The following SLC4A4 variants were observed in gnomAD, a reference collection of about 807,000 sequenced individuals.
SLC4A4 encodes the protein solute carrier family 4 member 4.
SLC4A4 carries 27 observed loss-of-function variants against 111.5 expected under a neutral mutation model. The observed-to-expected ratio is 0.24, with a 90% CI of 0.18 to 0.33. SLC4A4 has a LOEUF of 0.33. SLC4A4 is among the 10% of genes least tolerant of loss of function. The pLI, the probability that SLC4A4 is intolerant of heterozygous loss-of-function variation, is 1.00. For missense variants in SLC4A4, 909 were observed against 1,315.5 expected (o/e 0.69, Z 4.78); for synonymous variants, 443 against 463.4 (o/e 0.96, Z 0.57).
chr4:71,237,781 G>A (rs1488740423), intron 2 of SLC4A4, among the ~76,000 whole-genome samples: 9 of 152,086 alleles, frequency 5.9e-5, no homozygotes, highest in African/African-American at 9.7e-5. Context: ...GAGGATTGGC[G>A]CCTCCACCCG....
chr4:71,453,636 A>C lies in SLC4A4; in HGVS notation c.1464A>C (p.Gly488=). ...CTGTAACTAATGCTATCACTTTTGG[A>C]GGACTGCTTGGGGATGCCACTGACA... ...LATVTNAITF[G]GLLGDATDNM... is the part of the protein sequence containing the mutation. The change falls in exon 12 of 26, where the codon GGA becomes GGC. Residue 488 remains glycine, a synonymous_variant. Transcript: ENST00000264485. 5.6e-6 allele frequency: 9 copies of C among 1,613,916 alleles called. No individual in the cohort carries two copies. The highest frequency in any genetic ancestry group is 7.6e-6 in the Non-Finnish European group (9 of 1,179,884).
At chr4:71,367,392 G>A (rs1712982050) in intron 6 of SLC4A4, among the ~76,000 whole-genome samples, 1 of 152,186 alleles carries the variant, frequency 6.6e-6, no homozygotes. Context: ...ATCAGCTTCT[G>A]TCAGTTCTCA....
chr4:71,384,642 CAAAAAAAAAA>C (rs773419796), intron 6 of SLC4A4, among the ~76,000 whole-genome samples: 1,963 of 61,456 alleles, frequency 0.032, 48 homozygotes, highest in African/African-American at 0.092. Context: ...TCCCTCCCAC[CAAAAAAAAAA>C]AAAAAAAAAA....
intron 7 of SLC4A4, among the ~76,000 whole-genome samples, chr4:71,418,951 G>T (rs9685341): frequency 0.011 from 1,720 of 152,288 alleles, 31 homozygotes; most frequent in African/African-American, 0.039. Context: ...GTTTGCTAGA[G>T]GTCCACTCCA....
chr4:71,083,788 G>A (rs945092910), intron 1 of SLC4A4, among the ~76,000 whole-genome samples: 9 of 115,946 alleles, frequency 7.8e-5, no homozygotes, highest in South Asian at 2.7e-4. Context: ...CCCGCCCCCC[G>A]CCCCCACCAG....
At chr4:71,520,323 A>C (rs1163754673) in intron 16 of SLC4A4, among the ~76,000 whole-genome samples, 1 of 148,528 alleles carries the variant, frequency 6.7e-6, no homozygotes, top group Admixed American at 6.6e-5. Flanking sequence ...TTAAGACTTT[A>C]AACTACTTTA....
chr4:71,443,905 A>G (rs1724994862), intron 8 of SLC4A4, among the ~76,000 whole-genome samples: 2 of 152,216 alleles, frequency 1.3e-5, no homozygotes, highest in African/African-American at 2.4e-5. Context: ...TGTCACATCC[A>G]CCAGTTTAAT....
chr4:71,559,672 C>T (rs748712852), intron 22 of SLC4A4, among the ~76,000 whole-genome samples: 62 of 151,682 alleles, frequency 4.1e-4, no homozygotes, highest in Non-Finnish European at 8.1e-4. Context: ...TTATATGTGT[C>T]GTACAGATTT....
chr4:71,151,437 A>G (rs1744309371), intron 2 of SLC4A4, among the ~76,000 whole-genome samples: 1 of 152,058 alleles, frequency 6.6e-6, no homozygotes, highest in Admixed American at 6.6e-5. Context: ...TCTCTGATGA[A>G]GTCTTCATTT....
intron 3 of SLC4A4, among the ~76,000 whole-genome samples, chr4:71,294,958 A>T (rs1370091982): frequency 6.6e-6 from 1 of 152,254 alleles, no homozygotes; most frequent in Non-Finnish European, 1.5e-5. Context: ...AATGATTTAC[A>T]ACTCATTGCT....
intron 25 of SLC4A4, 25 bp downstream of exon 25, chr4:71,567,108 G>T: frequency 6.4e-7 from 1 of 1,569,102 alleles, no homozygotes; most frequent in Non-Finnish European, 8.7e-7. Flanking sequence ...AGTATTTTAT[G>T]TTTTTCTGTG....
chr4:71,499,511 A>G (rs1730711948), intron 16 of SLC4A4, among the ~76,000 whole-genome samples: 1 of 152,174 alleles, frequency 6.6e-6, no homozygotes. Flanking sequence ...AGCTATAGTC[A>G]TCATGCTGTG....
At chr4:71,326,916 G>A (rs1194528518) in intron 3 of SLC4A4, among the ~76,000 whole-genome samples, 1 of 152,036 alleles carries the variant, frequency 6.6e-6, no homozygotes, top group Non-Finnish European at 1.5e-5. Flanking sequence ...TGATAACTAT[G>A]TAAACCAGTT....
intron 3 of SLC4A4, chr4:71,300,810 C>T (rs561822122): frequency 9.9e-6 from 4 of 405,414 alleles, no homozygotes; most frequent in Admixed American, 2.6e-5. Context: ...GCAGTGCAAA[C>T]CCCTGAGGTG....
intron 2 of SLC4A4, among the ~76,000 whole-genome samples, chr4:71,142,606 A>G (rs954418823): frequency 6.6e-6 from 1 of 152,098 alleles, no homozygotes; most frequent in African/African-American, 2.4e-5. Context: ...GACATAGCCG[A>G]GGCTACCTCC....
chr4:71,106,952 A>G (rs1053984497), intron 2 of SLC4A4, among the ~76,000 whole-genome samples: 2 of 151,152 alleles, frequency 1.3e-5, no homozygotes, highest in African/African-American at 2.4e-5. Flanking sequence ...AAATAATAAG[A>G]AAAAAAAGTC....
chr4:71,190,419 CACACACACACAG>C (rs1172909831), intron 1 of SLC4A4, among the ~76,000 whole-genome samples: 7 of 146,652 alleles, frequency 4.8e-5, no homozygotes, highest in East Asian at 1.9e-4. Flanking sequence ...CACACACACA[CACACACACACAG>C]ACACAACTCA....
At chr4:71,171,362 A>G (rs1744935722) in intron 2 of SLC4A4, among the ~76,000 whole-genome samples, 1 of 152,144 alleles carries the variant, frequency 6.6e-6, no homozygotes, top group South Asian at 2.1e-4. Context: ...TTGAGAAGGC[A>G]CAGTATAGTA....
chr4:71,449,504 C>A (rs1294462682), intron 9 of SLC4A4, among the ~76,000 whole-genome samples: 1 of 152,138 alleles, frequency 6.6e-6, no homozygotes, highest in African/African-American at 2.4e-5. Flanking sequence ...GTCACCCTCC[C>A]CTCAACCCCA....
Sources: gnomAD v4.1 joint callset for allele counts (sites outside exome capture counted in the v4.1 genomes callset) on GRCh38, gnomAD v4.1.1 for gene constraint, MANE v1.5 for transcripts, NCBI Gene and HGNC (gene_info 2026-07-23, HGNC 2026-07-21) for gene names.